AHRR: variants seen among roughly 807,000 people sequenced by gnomAD.
AHRR encodes the protein aryl hydrocarbon receptor repressor.
Under a neutral mutation model 44.0 loss-of-function variants are expected in AHRR, and 28 were observed. The observed-to-expected ratio is 0.64, with a 90% CI of 0.47 to 0.87. The LOEUF is 0.87. AHRR is among the 40% of genes least tolerant of loss of function. The probability of loss-of-function intolerance (pLI) is 0.00; values close to 1 mark genes in which losing one functional copy is unlikely to be tolerated. For missense variants in AHRR, 990 were observed against 953.9 expected (o/e 1.04, Z -0.50); for synonymous variants, 434 against 407.0 (o/e 1.07, Z -0.80).
rs779840214 is a variant in AHRR at position 432,820 on chromosome 5, G to A, written c.985G>A (p.Glu329Lys). 3.1e-6 allele frequency: 5 copies of A among 1,613,916 alleles called. No individual in the cohort carries two copies. In the South Asian group the frequency reaches 5.5e-5, roughly 18 times the overall value. ...AACCCCAACAGGAAGGAGCAGCAGA[G>A]AGAGCGGCGTTTTGGTGCTCAGGGA... Reference protein sequence around the residue: ...PNYSAGRSSRESGVLVLREQT... With the variant: ...PNYSAGRSSRKSGVLVLREQT... The change falls in exon 10 of 11, where the codon GAG becomes AAG. Residue 329 changes from glutamate to lysine, a missense_variant. By Grantham distance (56) the Glu-to-Lys change is moderately conservative. Transcript: ENST00000684583.
rs145311427 is a variant in AHRR at position 434,800 on chromosome 5, C to T, written c.2060C>T (p.Pro687Leu). 2.4e-5 allele frequency: 37 copies of T among 1,553,746 alleles called. No individual in the cohort carries two copies. The highest frequency in any genetic ancestry group is 1.4e-4 in the South Asian group (12 of 84,396). The change falls in exon 11 of 11, where the codon CCG becomes CTG. Residue 687 changes from proline (P) to leucine (L), a missense_variant. Transcript: ENST00000684583. The stretch of plus-strand genomic sequence containing the variant: ...AAAAGTGCCTTGGCCACGCTGGTCC[C>T]GCCCCAAGCTTCGGGGTGCACATTC... The part of the protein sequence containing the change: ...LPKSALATLV[P>L]PQASGCTFLP
At chr5:368,847 C>T (rs1468368319) in intron 3 of AHRR, among the ~76,000 whole-genome samples, 3 of 152,210 alleles carry the variant, frequency 2.0e-5, no homozygotes, top group African/African-American at 2.4e-5. Flanking sequence ...CATTTCTTTG[C>T]GGTTCATTTT....
At chr5:336,008 C>T (rs985657222) in intron 1 of AHRR, among the ~76,000 whole-genome samples, 2 of 152,214 alleles carry the variant, frequency 1.3e-5, no homozygotes, top group African/African-American at 2.4e-5. Context: ...CCTAATGCCT[C>T]GGACTGGCAC....
At chr5:427,304 C>T (rs1736460991) in intron 7 of AHRR, among the ~76,000 whole-genome samples, 1 of 152,174 alleles carries the variant, frequency 6.6e-6, no homozygotes, top group South Asian at 2.1e-4. Context: ...TTTAAAGTCT[C>T]ACTGTACACC....
At chr5:422,919 T>G in intron 6 of AHRR, 61 bp downstream of exon 6, 3 of 1,534,926 alleles carry the variant, frequency 2.0e-6, no homozygotes. Flanking sequence ...AACACATCGC[T>G]GCCTCTGGAA....
rs765133895 is a variant in AHRR at position 387,219 on chromosome 5, C to A, written c.351+10503C>A. Among the ~76,000 whole-genome samples the A allele has an allele frequency of 6.6e-6, 1 of 152,208 alleles. No homozygotes were observed. The highest frequency in any genetic ancestry group is 1.5e-5 in the Non-Finnish European group (1 of 68,034). On this transcript the variant is annotated intron_variant, in intron 4 of 10. Transcript: ENST00000684583. This position sits in a 1 kb window ranked among gnomAD's most constrained non-coding sequence, Gnocchi z 5.1. ...ACACGTGTCAGTTCGTACACAGAAG[C>A]GGGGTCCTGTCTCCTGCTCTCTCCT...
chr5:343,645 G>A (rs575696817), intron 1 of AHRR: 1 of 483,644 alleles, frequency 2.1e-6, no homozygotes, highest in African/African-American at 2.1e-5. Context: ...TTCTCTGGGG[G>A]AGGCCGGGAC....
chr5:377,495 G>A (rs1733775746), intron 4 of AHRR, among the ~76,000 whole-genome samples: 1 of 152,144 alleles, frequency 6.6e-6, no homozygotes, highest in African/African-American at 2.4e-5. Flanking sequence ...CGGAACTCAG[G>A]ACCCCTGGGT....
chr5:397,301 C>T (rs376012573), intron 4 of AHRR, among the ~76,000 whole-genome samples: 25 of 122,034 alleles, frequency 2.0e-4, no homozygotes, highest in African/African-American at 7.3e-4. Context: ...CCATGTTAGC[C>T]CCTGACCATC....
At chr5:323,219 G>A (rs1178414467) in intron 1 of AHRR, among the ~76,000 whole-genome samples, 1 of 152,282 alleles carries the variant, frequency 6.6e-6, no homozygotes, top group Admixed American at 6.5e-5. Context: ...GCCGTCAGGA[G>A]GCCGGGGACA....
chr5:400,427 C>T (rs546736790), intron 4 of AHRR, among the ~76,000 whole-genome samples: 70 of 152,252 alleles, frequency 4.6e-4, no homozygotes, highest in Admixed American at 2.1e-3. Flanking sequence ...GTGGCAGGTG[C>T]GCCGTTTCCT....
chr5:433,021 G>A lies in AHRR; in HGVS notation c.1112+74G>A, dbSNP rs570875904. ...ACCGTGGAGGCCAAAGAGCGGGTGG[G>A]GGAGTGATTAAGAAGAAAAATAAAA... On this transcript the variant is annotated intron_variant, in intron 10 of 10. Transcript: ENST00000684583. The A allele has an allele frequency of 2.2e-4, 328 of 1,463,000 alleles. 1 individual carries two copies. In the South Asian group the frequency reaches 4.5e-3, roughly 20 times the overall value. 90.6% of individuals were successfully genotyped at this position (1,463,000 alleles called of 1,614,324 possible). A position where few individuals can be genotyped will look rare whatever the true frequency, so the allele number is the denominator to read the frequency against.
At chr5:426,336 A>G (rs1240128453) in intron 7 of AHRR, among the ~76,000 whole-genome samples, 1 of 147,938 alleles carries the variant, frequency 6.8e-6, no homozygotes, top group Non-Finnish European at 1.5e-5. Flanking sequence ...AAGATGATGG[A>G]TGGATGGATG....
rs557903630 is a variant in AHRR at position 373,969 on chromosome 5, C to CG, written c.245-2638dup. ...GGCGCCCGCGGGGGGCACGCGATGC[C>CG]GGGAGGGGCGCGCCCCTGCCGCCGC... On this transcript the variant is annotated intron_variant, in intron 3 of 10. Coordinates refer to ENST00000684583, the MANE Select transcript of AHRR (RefSeq NM_001377236.1). 9.4e-3 allele frequency among the ~76,000 whole-genome samples: 1,414 copies of CG among 150,964 alleles called. 7 individuals carry two copies. The highest frequency in any genetic ancestry group is 0.027 in the Middle Eastern group (8 of 292).
In AHRR at chr5:388,522, G is replaced by A. The variant is rs979486367; in HGVS notation, c.351+11806G>A. ...TCTCCCAGGGGGAGCCTGGAGGAGT[G>A]GGGTTTGGACACCCGGCAGGTCTCT... On this transcript the variant is annotated intron_variant, in intron 4 of 10. Coordinates refer to ENST00000684583, the MANE Select transcript of AHRR (RefSeq NM_001377236.1). The surrounding 1 kb of genome is among the most constrained non-coding windows in gnomAD (Gnocchi z 5.2). Among the ~76,000 whole-genome samples the A allele has an allele frequency of 6.6e-6, 1 of 152,200 alleles. No homozygotes were observed. Among genetic ancestry groups the A allele is most frequent in the Non-Finnish European group, 1.5e-5 (1 of 68,036 alleles).
At chr5:332,929 C>CTTTTTTTTTTTTTTTTTTTTTT (rs57937804) in intron 1 of AHRR, among the ~76,000 whole-genome samples, 6 of 132,080 alleles carry the variant, frequency 4.5e-5, no homozygotes, top group African/African-American at 1.8e-4. Context: ...TGACCTTTGT[C>CTTTTTTTTTTTTTTTTTTTTTT]TTTTTTTTTT....
rs188407261 is a variant in AHRR at position 369,146 on chromosome 5, C to T, written c.245-7464C>T. On this transcript the variant is annotated intron_variant, in intron 3 of 10. Transcript: ENST00000684583. Reference sequence around the variant, plus strand: ...CCCATCCAGCACCCACTTGCTGGGACCCCCTTCTGACTTGCTGCTTCTCTT... The same window carrying T: ...CCCATCCAGCACCCACTTGCTGGGATCCCCTTCTGACTTGCTGCTTCTCTT... Among the ~76,000 whole-genome samples, 8 of 152,314 alleles carry T rather than the reference C, an allele frequency of 5.3e-5. No homozygotes were observed. In the East Asian group the frequency reaches 1.5e-3, roughly 29 times the overall value.
rs1377728356 is a variant in AHRR, at chr5:430,130, G to A, written c.908+2124G>A. Among the ~76,000 whole-genome samples, 5 of 152,230 alleles carry A rather than the reference G, an allele frequency of 3.3e-5. No homozygotes were observed. In the South Asian group the frequency reaches 6.2e-4, roughly 19 times the overall value. Reference sequence around the variant, plus strand: ...TGGGGTGATCTTAAGTTGCAGTCACGTGTGTTGCCTTGTGGTCCGACTTTG... The same window carrying A: ...TGGGGTGATCTTAAGTTGCAGTCACATGTGTTGCCTTGTGGTCCGACTTTG... On this transcript the variant is annotated intron_variant, in intron 8 of 10. Transcript: ENST00000684583.
intron 4 of AHRR, among the ~76,000 whole-genome samples, chr5:412,715 CTTTTT>C (rs11285209): frequency 1.0e-5 from 1 of 96,958 alleles, no homozygotes; most frequent in Non-Finnish European, 2.0e-5. Context: ...CTCTCTCTCT[CTTTTT>C]TTTTTTTTTT....
Sources: allele counts gnomAD v4.1 joint callset (sites outside exome capture counted in the v4.1 genomes callset), GRCh38; gene constraint gnomAD v4.1.1; non-coding constraint Gnocchi (gnomAD v3.1); transcripts MANE v1.5; gene names NCBI Gene and HGNC (gene_info 2026-07-23, HGNC 2026-07-21).